The following ASTN2 variants were observed in gnomAD, a reference collection of about 807,000 sequenced individuals.
ASTN2 encodes astrotactin-2.
A neutral mutation model predicts 139.8 loss-of-function variants in ASTN2; 54 were observed. That is an observed-to-expected ratio of 0.39 (90% CI 0.31 to 0.48). The LOEUF (loss-of-function observed/expected upper bound fraction) is 0.48, where lower values mean the gene tolerates loss of function less well. ASTN2 is among the 20% of genes least tolerant of loss of function. The pLI is 0.95. For synonymous variants in ASTN2, 756 were observed against 719.5 expected (o/e 1.05, Z -0.81); for missense variants, 1,565 against 1,725.1 (o/e 0.91, Z 1.64).
chr9:116,880,174 C>T (rs183722180), intron 10 of ASTN2, among the ~76,000 whole-genome samples: 1 of 152,214 alleles, frequency 6.6e-6, no homozygotes, highest in Admixed American at 6.5e-5. Context: ...ACAGGTACTG[C>T]TAACACACCT....
At chr9:116,593,267 T>A (rs1380321473) in intron 19 of ASTN2, among the ~76,000 whole-genome samples, 1 of 152,190 alleles carries the variant, frequency 6.6e-6, no homozygotes, top group Admixed American at 6.5e-5. Flanking sequence ...CCTGAAGGGA[T>A]GATATATGGG....
chr9:116,820,897 A>G, intron 11 of ASTN2, 114 bp from the exon 12 acceptor site: 1 of 1,122,344 alleles, frequency 8.9e-7, no homozygotes, highest in Non-Finnish European at 1.2e-6. Flanking sequence ...AAAGGTATTC[A>G]GTCTCCTTTT....
chr9:116,573,870 T>C (rs1002294540), intron 19 of ASTN2, among the ~76,000 whole-genome samples: 1 of 152,172 alleles, frequency 6.6e-6, no homozygotes, highest in African/African-American at 2.4e-5. Context: ...TATGATTTTA[T>C]AGAAAGTATA....
At chr9:116,767,035 C>A (rs1015514777) in intron 13 of ASTN2, among the ~76,000 whole-genome samples, 6 of 152,052 alleles carry the variant, frequency 3.9e-5, no homozygotes, top group African/African-American at 1.2e-4. Context: ...TAAACACACA[C>A]AATCATACTC....
chr9:116,603,395 AAAGT>A (rs1208391489), intron 19 of ASTN2, among the ~76,000 whole-genome samples: 1 of 152,214 alleles, frequency 6.6e-6, no homozygotes, highest in African/African-American at 2.4e-5. Context: ...ATGTGAGGAC[AAAGT>A]CTACAGTGTG....
chr9:117,088,149 G>A (rs1004458162), intron 5 of ASTN2, among the ~76,000 whole-genome samples: 1 of 152,178 alleles, frequency 6.6e-6, no homozygotes, highest in Non-Finnish European at 1.5e-5. Flanking sequence ...TTGATGAGAA[G>A]TGATGGATAA....
intron 19 of ASTN2, among the ~76,000 whole-genome samples, chr9:116,569,221 T>G (rs529100286): frequency 6.6e-6 from 1 of 152,332 alleles, no homozygotes; most frequent in Non-Finnish European, 1.5e-5. Flanking sequence ...ATGGTGTCAC[T>G]GGCTAGCCGT....
At chr9:116,426,162 CAACA>C in intron 22 of ASTN2, 74 bp from the exon 23 acceptor site, 1 of 1,564,182 alleles carries the variant, frequency 6.4e-7, no homozygotes, top group Non-Finnish European at 8.7e-7. Flanking sequence ...TAGTAAATGT[CAACA>C]AACAAATGGT....
intron 19 of ASTN2, among the ~76,000 whole-genome samples, chr9:116,530,132 TATATATATATATATATATAA>T (rs1473907280): frequency 0.029 from 842 of 29,380 alleles, 59 homozygotes; most frequent in African/African-American, 0.062. Flanking sequence ...TATATATATA[TATATATATATATATATATAA>T]AATAGAATAT....
chr9:117,078,747 A>AT (rs1828345126), intron 5 of ASTN2, among the ~76,000 whole-genome samples: 1 of 151,710 alleles, frequency 6.6e-6, no homozygotes, highest in African/African-American at 2.4e-5. Flanking sequence ...TTTTATTTTT[A>AT]TTTTTTGAGA....
intron 4 of ASTN2, among the ~76,000 whole-genome samples, chr9:117,103,897 A>G (rs985497775): frequency 6.6e-6 from 1 of 152,226 alleles, no homozygotes; most frequent in Non-Finnish European, 1.5e-5. Flanking sequence ...TCTGAGCTCT[A>G]GAGCTAAACC....
intron 16 of ASTN2, among the ~76,000 whole-genome samples, chr9:116,713,603 A>C (rs719534): frequency 2.0e-5 from 3 of 152,064 alleles, no homozygotes; most frequent in Non-Finnish European, 4.4e-5. Flanking sequence ...GAAATGCCAC[A>C]CAAAGAGAAC....
Position 116,863,637 on chromosome 9 carries a change from G to A in ASTN2, c.1986C>T (p.Cys662=), listed in dbSNP as rs747193345. The A allele has an allele frequency of 3.7e-6, 6 of 1,614,200 alleles. No individual in the cohort carries two copies. The highest frequency in any genetic ancestry group is 4.2e-6 in the Non-Finnish European group (5 of 1,180,024). The change falls in exon 11 of 23, where the codon TGC becomes TGT. Residue 662 remains cysteine (C), a synonymous_variant. Transcript: ENST00000313400. ...VRDCSRNNGG[C]TRNFKCVSDR... ...CAGACACACACTTGAAGTTGCGAGT[G>A]CAGCCCCCATTGTTCCGAGAGCAGT...
chr9:117,244,792 G>A (rs1030697042), intron 2 of ASTN2, among the ~76,000 whole-genome samples: 5 of 147,932 alleles, frequency 3.4e-5, no homozygotes, highest in African/African-American at 1.0e-4. Flanking sequence ...GGGATAGAGG[G>A]AAGGAGAGAG....
intron 19 of ASTN2, chr9:116,561,909 C>T (rs1314979035): frequency 6.6e-6 from 1 of 152,226 alleles, no homozygotes; most frequent in Non-Finnish European, 1.5e-5. Context: ...AATTAGGATT[C>T]TTCATATTCC....
At chr9:116,538,708 G>A (rs1051316181) in intron 19 of ASTN2, among the ~76,000 whole-genome samples, 3 of 152,130 alleles carry the variant, frequency 2.0e-5, no homozygotes, top group Non-Finnish European at 2.9e-5. Context: ...GAATATGTCT[G>A]AAATTGAGAT....
At chr9:117,295,205 C>T (rs1834698517) in intron 1 of ASTN2, among the ~76,000 whole-genome samples, 1 of 152,030 alleles carries the variant, frequency 6.6e-6, no homozygotes, top group South Asian at 2.1e-4. Context: ...ACCTGTAATC[C>T]CAGCTACTCA....
intron 20 of ASTN2, among the ~76,000 whole-genome samples, chr9:116,477,296 G>A (rs537276169): frequency 6.6e-6 from 1 of 152,194 alleles, no homozygotes; most frequent in South Asian, 2.1e-4. Flanking sequence ...CCTCTCCCAG[G>A]CCCCAACTGT....
At chr9:117,008,545 C>A (rs1837425463) in intron 6 of ASTN2, among the ~76,000 whole-genome samples, 1 of 152,066 alleles carries the variant, frequency 6.6e-6, no homozygotes, top group Non-Finnish European at 1.5e-5. Flanking sequence ...TGACTTTGGG[C>A]AAGTCACAAA....
Sources: allele counts gnomAD v4.1 joint callset (sites outside exome capture counted in the v4.1 genomes callset), GRCh38; gene constraint gnomAD v4.1.1; transcripts MANE v1.5; gene names NCBI Gene and HGNC (gene_info 2026-07-23, HGNC 2026-07-21).